MOGAT2: variants seen among roughly 807,000 people sequenced by gnomAD.
MOGAT2 encodes the protein monoacylglycerol O-acyltransferase 2, also known as 2-acylglycerol O-acyltransferase 2.
Under a neutral mutation model 31.5 loss-of-function variants are expected in MOGAT2, and 27 were observed. That is an observed-to-expected ratio of 0.86 (90% CI 0.63 to 1.18). MOGAT2 has a LOEUF of 1.18. Ranked by LOEUF, MOGAT2 falls within the 50% of genes most tolerant of loss-of-function variation. MOGAT2 has a pLI of 0.00. For missense variants in MOGAT2, 436 were observed against 433.2 expected, an observed-to-expected ratio of 1.01 and a Z score of -0.06; for synonymous variants, 163 against 170.0, an observed-to-expected ratio of 0.96 and a Z score of 0.32.
Position 75,726,070 on chromosome 11 carries a change from C to CA in MOGAT2, c.271-1365_271-1364insA, listed in dbSNP as rs534880455. 1.7e-3 allele frequency among the ~76,000 whole-genome samples: 259 copies of CA among 152,336 alleles called. 2 individuals are homozygous for CA. Among genetic ancestry groups the CA allele is most frequent in the African/African-American group, 6.1e-3 (252 of 41,570 alleles). On this transcript the variant is annotated intron_variant, in intron 2 of 5. Coordinates refer to ENST00000198801, the MANE Select transcript of MOGAT2 (RefSeq NM_025098.4). ...GCATTTGTTAACTGCATTTCTTCCC[C>CA]TTTCACCTTCACCCCACTTCACCTA...
At chr11:75,718,388 GGTAA>G (rs1944348156) in intron 1 of MOGAT2, among the ~76,000 whole-genome samples, 1 of 152,272 alleles carries the variant, frequency 6.6e-6, no homozygotes, top group Non-Finnish European at 1.5e-5. Flanking sequence ...CTGGTAGTAG[GGTAA>G]GTGAGAGAAA....
chr11:75,731,567 T>G lies in MOGAT2; in HGVS notation c.*281T>G. The G allele has an allele frequency of 3.3e-6, 1 of 299,992 alleles. No individual in the cohort carries two copies. The highest frequency in any genetic ancestry group is 5.8e-6 in the Non-Finnish European group (1 of 171,400). The allele number at this position is 299,992 out of a possible 1,614,324, so 18.6% of individuals were successfully genotyped here. A position where few individuals can be genotyped will look rare whatever the true frequency, so the allele number is the denominator to read the frequency against. On this transcript the variant is annotated 3_prime_UTR_variant, in exon 6 of 6. Transcript: ENST00000198801. ...TGAGTGGTCTGTTAACATTCATTGG[T>G]GGCTGATTCCAAAAGATGAGAGCCA...
intron 5 of MOGAT2, 98 bp downstream of exon 5, chr11:75,729,087 C>T: frequency 2.7e-6 from 3 of 1,115,976 alleles, no homozygotes; most frequent in South Asian, 1.3e-5. Flanking sequence ...TATTCCTGCC[C>T]TAATGGGGCT....
In MOGAT2 at chr11:75,717,839, G is replaced by T. The variant is rs772808464; in HGVS notation, c.-50G>T. ...GGAACAAAAACCTGTGGGTGCCTCA[G>T]ACCACAGCAGAGCTCACAGAACCTG... On this transcript the variant is annotated 5_prime_UTR_variant, in exon 1 of 6. Coordinates refer to ENST00000198801, the MANE Select transcript of MOGAT2 (RefSeq NM_025098.4). The T allele has an allele frequency of 6.3e-7, 1 of 1,585,644 alleles. No individual in the cohort carries two copies. Among genetic ancestry groups the T allele is most frequent in the Non-Finnish European group, 8.6e-7 (1 of 1,157,210 alleles).
chr11:75,723,023 G>T (rs370246422), intron 2 of MOGAT2, among the ~76,000 whole-genome samples: 13 of 152,198 alleles, frequency 8.5e-5, no homozygotes, highest in African/African-American at 2.4e-4. Flanking sequence ...ATGCAGTGGC[G>T]TGATCTCGGC....
In MOGAT2 at chr11:75,731,519, G is replaced by A; in HGVS notation, c.*233G>A. ...AGGGGCTGGGCCTCTCTTTGCACAT[G>A]GACACTGGGCCCCTCTCTATATTGA... On this transcript the variant is annotated 3_prime_UTR_variant, in exon 6 of 6. Transcript: ENST00000198801. The A allele has an allele frequency of 2.1e-6, 1 of 467,074 alleles. No individual in the cohort carries two copies. The highest frequency in any genetic ancestry group is 3.6e-6 in the Non-Finnish European group (1 of 280,300). 28.9% of individuals were successfully genotyped at this position (467,074 alleles called of 1,614,324 possible). A position where few individuals can be genotyped will look rare whatever the true frequency, so the allele number is the denominator to read the frequency against.
intron 1 of MOGAT2, chr11:75,719,373 C>A (rs1256639313): frequency 6.6e-6 from 1 of 152,604 alleles, no homozygotes; most frequent in African/African-American, 2.4e-5. Flanking sequence ...GGTTTGGGAA[C>A]ACTGTGTAGT....
chr11:75,727,581 G>T lies in MOGAT2; in HGVS notation c.417G>T (p.Leu139=). Residue 139 remains leucine, a synonymous_variant, in exon 3 of 6, where the codon CTG becomes CTT. Transcript: ENST00000198801. The part of the protein sequence containing the change: ...SSIFPGIRPH[L]MMLTLWFRAP... ...TCTTCCCCGGTATCCGCCCCCATCT[G>T]ATGATGCTGACCTTGTGGTTCCGGG... is the stretch of plus-strand genomic sequence containing the variant. 6.2e-7 allele frequency: 1 copy of T among 1,614,210 alleles called. No individual in the cohort carries two copies. The highest frequency in any genetic ancestry group is 8.5e-7 in the Non-Finnish European group (1 of 1,180,026).
chr11:75,728,498 T>A, intron 4 of MOGAT2: 1 of 551,120 alleles, frequency 1.8e-6, no homozygotes, highest in Non-Finnish European at 3.2e-6. Flanking sequence ...GTGGGAGATA[T>A]TTTTCTAGGA....
At position 75,732,222 on chromosome 11, in the gene MOGAT2, T is replaced by A. The variant is rs1426672092; in HGVS notation, c.*936T>A. The A allele has an allele frequency of 6.6e-6, 1 of 152,280 alleles. No homozygotes were observed. The highest frequency in any genetic ancestry group is 1.5e-5 in the Non-Finnish European group (1 of 68,138). The allele number at this position is 152,280 out of a possible 1,614,324, so 9.4% of individuals were successfully genotyped here. On this transcript the variant is annotated 3_prime_UTR_variant, in exon 6 of 6. Coordinates refer to ENST00000198801, the MANE Select transcript of MOGAT2 (RefSeq NM_025098.4). Reference sequence around the variant, plus strand: ...GCAGTTCCTGAACCAGGAAGACTCATGTGTGGGGGCCATTGCTGGTCAAGG... The same window carrying A: ...GCAGTTCCTGAACCAGGAAGACTCAAGTGTGGGGGCCATTGCTGGTCAAGG...
chr11:75,727,536 G>C lies in MOGAT2; in HGVS notation c.372G>C (p.Glu124Asp), dbSNP rs769187265. 17 of 1,614,190 alleles carry C rather than the reference G, an allele frequency of 1.1e-5. No homozygotes were observed. Among genetic ancestry groups the C allele is most frequent in the Non-Finnish European group, 1.4e-5 (16 of 1,180,034 alleles). ...AVGAFANLCTESTGFSSIFPG... is the reference protein window; with the variant it reads ...AVGAFANLCTDSTGFSSIFPG... Reference sequence around the variant, plus strand: ...GAGCCTTTGCCAACCTGTGCACTGAGAGCACAGGCTTCTCTTCGATCTTCC... The same window carrying C: ...GAGCCTTTGCCAACCTGTGCACTGACAGCACAGGCTTCTCTTCGATCTTCC... The change falls in exon 3 of 6, where the codon GAG (glutamate) becomes GAC (aspartate). Residue 124 changes from glutamate (E) to aspartate (D), a missense_variant. Transcript: ENST00000198801.
intron 4 of MOGAT2, chr11:75,728,404 T>C: frequency 1.6e-6 from 1 of 615,406 alleles, no homozygotes; most frequent in Non-Finnish European, 2.9e-6. Flanking sequence ...CTGTGGTATC[T>C]AGAAGAGTGA....
chr11:75,726,340 C>T (rs1257000457), intron 2 of MOGAT2, among the ~76,000 whole-genome samples: 2 of 152,190 alleles, frequency 1.3e-5, no homozygotes, highest in Non-Finnish European at 2.9e-5. Context: ...CCTCAGATGG[C>T]CTACAAAGCC....
In MOGAT2 at chr11:75,731,167, C is replaced by G; in HGVS notation, c.886C>G (p.Pro296Ala). The change falls in exon 6 of 6, where the codon CCC (proline) becomes GCC (alanine). Residue 296 changes from proline (P) to alanine (A), a missense_variant. Pro to Ala is a conservative substitution (Grantham distance 27, BLOSUM62 -1). Coordinates refer to ENST00000198801, the MANE Select transcript of MOGAT2 (RefSeq NM_025098.4). ...CATCGAGGTACAGAAGACGCTGCATCCCTCGGAGGAGGAGGTGAACCAGCT... is the reference window on the plus strand; with the variant it reads ...CATCGAGGTACAGAAGACGCTGCATGCCTCGGAGGAGGAGGTGAACCAGCT... ...KPIEVQKTLH[P>A]SEEEVNQLHQ... 5 of 1,614,034 alleles carry G rather than the reference C, an allele frequency of 3.1e-6. No individual in the cohort carries two copies. The highest frequency in any genetic ancestry group is 4.2e-6 in the Non-Finnish European group (5 of 1,179,998).
At chr11:75,719,914 G>C in intron 1 of MOGAT2, 78 bp from the exon 2 acceptor site, 5 of 1,453,078 alleles carry the variant, frequency 3.4e-6, no homozygotes, top group Non-Finnish European at 4.7e-6. Flanking sequence ...CAGGCCTATG[G>C]GCAGAGTTCA....
At position 75,728,178 on chromosome 11, in the gene MOGAT2, A is replaced by T. The variant is rs1484609635; in HGVS notation, c.650+34A>T. ...CCTCTGGGAAGAGCACTCTGGGTTC[A>T]GTTGGCAATTGGCAAGGATTTTATT... On this transcript the variant is annotated intron_variant, in intron 4 of 5. Transcript: ENST00000198801. The T allele has an allele frequency of 1.9e-6, 3 of 1,601,042 alleles. No individual in the cohort carries two copies. In the South Asian group the frequency reaches 3.4e-5, roughly 18 times the overall value.
chr11:75,723,066 A>G (rs186672169), intron 2 of MOGAT2, among the ~76,000 whole-genome samples: 14 of 151,978 alleles, frequency 9.2e-5, no homozygotes, highest in African/African-American at 3.4e-4. Context: ...GGTTCAAGCG[A>G]TTCTCCTGCC....
At chr11:75,730,963 CGTT>C (rs1944473452) in intron 5 of MOGAT2, 166 bp from the exon 6 acceptor site, 1 of 440,250 alleles carries the variant, frequency 2.3e-6, no homozygotes, top group Admixed American at 4.2e-5. Context: ...GAAATCCAGC[CGTT>C]GTTATTATAT....
At chr11:75,727,768 A>T in intron 3 of MOGAT2, 129 bp downstream of exon 3, 2 of 1,079,516 alleles carry the variant, frequency 1.9e-6, no homozygotes, top group Non-Finnish European at 1.4e-6. Flanking sequence ...AGCACTTCCT[A>T]CAGCACCATG....
Sources: gnomAD v4.1 joint callset for allele counts (sites outside exome capture counted in the v4.1 genomes callset) on GRCh38, gnomAD v4.1.1 for gene constraint, MANE v1.5 for transcripts, NCBI Gene and HGNC (gene_info 2026-07-23, HGNC 2026-07-21) for gene names.